The following SYNJ2 variants were observed in gnomAD, a reference collection of about 807,000 sequenced individuals.
SYNJ2 encodes synaptojanin 2.
A neutral mutation model predicts 141.3 loss-of-function variants in SYNJ2; 116 were observed. The observed-to-expected ratio is 0.82, with a 90% CI of 0.71 to 0.96. SYNJ2 has a LOEUF of 0.96. Among genes scored for constraint, SYNJ2 ranks in the 40% least tolerant of loss-of-function variants. SYNJ2 has a pLI of 0.00. For synonymous variants in SYNJ2, 745 were observed against 777.7 expected (o/e 0.96, Z 0.70); for missense variants, 1,873 against 1,934.8 (o/e 0.97, Z 0.60).
At chr6:158,092,306 A>G (rs1157894581) in intron 25 of SYNJ2, among the ~76,000 whole-genome samples, 1 of 152,104 alleles carries the variant, frequency 6.6e-6, no homozygotes, top group African/African-American at 2.4e-5. Flanking sequence ...CAAACTATCC[A>G]CAGACCCCAG....
intron 18 of SYNJ2, 75 bp from the exon 19 acceptor site, chr6:158,081,033 TA>T: frequency 7.3e-7 from 1 of 1,370,302 alleles, no homozygotes; most frequent in Non-Finnish European, 1.0e-6. Context: ...TGTCCCAGGC[TA>T]ACTGGGGACT....
At position 158,029,019 on chromosome 6, in the gene SYNJ2, T is replaced by G; in HGVS notation, c.478T>G (p.Phe160Val). 1 of 1,390,514 alleles carries G rather than the reference T, an allele frequency of 7.2e-7. No individual in the cohort carries two copies. The highest frequency in any genetic ancestry group is 9.4e-7 in the Non-Finnish European group (1 of 1,066,280). The allele number at this position is 1,390,514 out of a possible 1,614,324, so 86.1% of individuals were successfully genotyped here. The change falls in exon 3 of 27, where the codon TTC becomes GTC. Residue 160 changes from phenylalanine (F) to valine (V), a missense_variant. Coordinates refer to ENST00000355585, the MANE Select transcript of SYNJ2 (RefSeq NM_003898.4). ...GDDSSEWGNSFFWNQLLHVPL... is the reference protein window; with the variant it reads ...GDDSSEWGNSVFWNQLLHVPL... ...TGACAGCTCTGAATGGGGGAACTCC[T>G]TCTTCTGGTGAGGCCCTGGGTCCCC...
intron 1 of SYNJ2, among the ~76,000 whole-genome samples, chr6:157,996,539 C>T (rs953467398): frequency 5.3e-5 from 8 of 152,168 alleles, no homozygotes; most frequent in African/African-American, 1.4e-4. Flanking sequence ...TCAGAATCTT[C>T]ACACCCACCT....
intron 1 of SYNJ2, among the ~76,000 whole-genome samples, chr6:158,006,132 C>A (rs955430271): frequency 2.0e-5 from 3 of 152,206 alleles, no homozygotes; most frequent in Admixed American, 6.5e-5. Flanking sequence ...CTAAGGAAAT[C>A]TTTTGACCCA....
At chr6:158,065,996 G>T (rs1325433670) in intron 11 of SYNJ2, among the ~76,000 whole-genome samples, 1 of 152,220 alleles carries the variant, frequency 6.6e-6, no homozygotes, top group Non-Finnish European at 1.5e-5. Flanking sequence ...GGATGCAAAG[G>T]TGGCTGTCTG....
At chr6:158,079,297 G>A (rs1464541789) in intron 18 of SYNJ2, 2 of 152,130 alleles carry the variant, frequency 1.3e-5, no homozygotes, top group Admixed American at 6.5e-5. Context: ...TCCCAAGGCT[G>A]CTGCCTAAAC....
intron 25 of SYNJ2, among the ~76,000 whole-genome samples, chr6:158,090,535 T>G (rs147418335): frequency 3.0e-3 from 424 of 143,110 alleles, no homozygotes; most frequent in Admixed American, 7.7e-3. Context: ...TCTTCGTTTT[T>G]TTTTTTGTTT....
intron 1 of SYNJ2, among the ~76,000 whole-genome samples, chr6:158,006,838 A>G (rs1159044969): frequency 6.6e-6 from 1 of 151,878 alleles, no homozygotes; most frequent in East Asian, 1.9e-4. Context: ...ACACCCAGCT[A>G]AATTTTGTAT....
chr6:158,020,727 G>T (rs901198186), intron 2 of SYNJ2, among the ~76,000 whole-genome samples: 4 of 152,256 alleles, frequency 2.6e-5, no homozygotes, highest in African/African-American at 9.6e-5. Context: ...ACTTTCAGTT[G>T]CCACGAAGAC....
At chr6:158,006,734 G>A (rs1290425572) in intron 1 of SYNJ2, among the ~76,000 whole-genome samples, 2 of 152,308 alleles carry the variant, frequency 1.3e-5, no homozygotes, top group East Asian at 3.9e-4. Context: ...GTGCAGTGGT[G>A]CGATCTCGGC....
At chr6:158,094,649 C>T (rs1486225065) in intron 26 of SYNJ2, among the ~76,000 whole-genome samples, 1 of 152,136 alleles carries the variant, frequency 6.6e-6, no homozygotes, top group Non-Finnish European at 1.5e-5. Flanking sequence ...AGTTAAAAGG[C>T]TGTTGGAAAA....
At chr6:158,065,485 C>T (rs1021909897) in intron 11 of SYNJ2, among the ~76,000 whole-genome samples, 3 of 152,124 alleles carry the variant, frequency 2.0e-5, no homozygotes, top group African/African-American at 7.2e-5. Flanking sequence ...GGCAAGACAT[C>T]GTGATTCCAT....
intron 22 of SYNJ2, among the ~76,000 whole-genome samples, chr6:158,085,257 G>A (rs1215020531): frequency 6.6e-6 from 1 of 152,130 alleles, no homozygotes; most frequent in Non-Finnish European, 1.5e-5. Context: ...CTGGGCTCAA[G>A]TGACCCTCCT....
At chr6:158,069,753 T>TC in intron 14 of SYNJ2, 80 bp downstream of exon 14, 3 of 1,431,306 alleles carry the variant, frequency 2.1e-6, no homozygotes, top group Admixed American at 2.2e-5. Context: ...TTCCCCCTCC[T>TC]CCCCCATCCC....
chr6:158,054,883 A>C, intron 5 of SYNJ2, 84 bp from the exon 6 acceptor site: 1 of 1,432,912 alleles, frequency 7.0e-7, no homozygotes. Flanking sequence ...CCTGGCTGGG[A>C]GTAAGAAGGA....
chr6:158,073,526 C>T (rs559162011), intron 15 of SYNJ2, among the ~76,000 whole-genome samples: 11 of 152,150 alleles, frequency 7.2e-5, no homozygotes, highest in South Asian at 4.2e-4. Flanking sequence ...TGTCTGATAC[C>T]GTAGTCACTG....
At chr6:157,994,709 G>C (rs559602147) in intron 1 of SYNJ2, among the ~76,000 whole-genome samples, 1 of 152,380 alleles carries the variant, frequency 6.6e-6, no homozygotes, top group East Asian at 1.9e-4. Context: ...ACGCCCTCCA[G>C]GCAGACCACA....
Position 158,078,376 on chromosome 6 carries a change from G to A in SYNJ2, c.2567+95G>A, listed in dbSNP as rs1197820746. The A allele has an allele frequency of 6.4e-6, 5 of 784,532 alleles. No individual in the cohort carries two copies. The African/African-American group carries it at 8.6e-5, about 13-fold the overall frequency. 48.6% of individuals were successfully genotyped at this position (784,532 alleles called of 1,614,324 possible). On this transcript the variant is annotated intron_variant, in intron 18 of 26. Transcript: ENST00000355585. ...ATGCATGCTGTCCCCATAAGGATGT[G>A]TGTGCGCATGGGGGTGCATTTTGTG...
At position 158,084,031 on chromosome 6, in the gene SYNJ2, T is replaced by TGG. The variant is rs1242490950; in HGVS notation, c.3066_3067dup (p.Val1023GlyfsTer96). On this transcript the variant is annotated frameshift_variant, in exon 22 of 27. Coordinates refer to ENST00000355585, the MANE Select transcript of SYNJ2 (RefSeq NM_003898.4). LOFTEE classifies it high-confidence loss of function. This position sits in a 1 kb window ranked among gnomAD's most constrained non-coding sequence, Gnocchi z 5.0. The stretch of plus-strand genomic sequence containing the variant: ...ATTCTTGAAGACGATGAAGACTACT[T>TGG]GGTGGATGAATTCAATCAGCCTGGA... The TGG allele has an allele frequency of 3.1e-6, 5 of 1,613,946 alleles. No homozygotes were observed. The African/African-American group carries it at 6.7e-5, about 22-fold the overall frequency.
Sources: gnomAD v4.1 joint callset for allele counts (sites outside exome capture counted in the v4.1 genomes callset) on GRCh38, gnomAD v4.1.1 for gene constraint, Gnocchi (gnomAD v3.1) non-coding constraint, MANE v1.5 for transcripts, NCBI Gene and HGNC (gene_info 2026-07-23, HGNC 2026-07-21) for gene names.